ATAD1: variants seen among roughly 807,000 people sequenced by gnomAD.
The protein encoded by ATAD1 is outer mitochondrial transmembrane helix translocase.
ATAD1 carries 18 observed loss-of-function variants against 42.7 expected under a neutral mutation model. The ratio of observed to expected loss-of-function variants is 0.42; its 90% confidence interval spans 0.29 to 0.63. ATAD1 has a LOEUF of 0.63. Among genes scored for constraint, ATAD1 ranks in the 20% least tolerant of loss-of-function variants. The pLI is 0.19. For synonymous variants in ATAD1, 132 were observed against 143.1 expected (o/e 0.92, Z 0.55); for missense variants, 294 against 440.4 (o/e 0.67, Z 2.98).
At chr10:87,757,965 A>T (rs1854300151) in intron 8 of ATAD1, among the ~76,000 whole-genome samples, 1 of 152,196 alleles carries the variant, frequency 6.6e-6, no homozygotes, top group East Asian at 1.9e-4. Flanking sequence ...ATGTTTTTTG[A>T]TAAAAAGAAA....
At chr10:87,833,887 G>C (rs1459708084) in intron 1 of ATAD1, among the ~76,000 whole-genome samples, 2 of 151,868 alleles carry the variant, frequency 1.3e-5, no homozygotes, top group Non-Finnish European at 2.9e-5. Flanking sequence ...ACCACACCCG[G>C]CTAATTTTTG....
At chr10:87,829,457 T>C (rs763080831) in intron 1 of ATAD1, among the ~76,000 whole-genome samples, 3 of 152,042 alleles carry the variant, frequency 2.0e-5, no homozygotes, top group African/African-American at 2.4e-5. Flanking sequence ...GGTTTCACCA[T>C]GTTGGCCAGG....
At chr10:87,766,131 A>T (rs1011870514) in intron 8 of ATAD1, among the ~76,000 whole-genome samples, 1 of 152,210 alleles carries the variant, frequency 6.6e-6, no homozygotes, top group Non-Finnish European at 1.5e-5. Flanking sequence ...TGTTGGCAAG[A>T]CTATAGGAAA....
At chr10:87,823,547 G>C (rs1281275609) in intron 1 of ATAD1, among the ~76,000 whole-genome samples, 1 of 152,120 alleles carries the variant, frequency 6.6e-6, no homozygotes, top group East Asian at 1.9e-4. Context: ...CCCTGCCTAT[G>C]GTTTCTTAAA....
At chr10:87,794,638 C>T (rs967816540) in intron 2 of ATAD1, among the ~76,000 whole-genome samples, 11 of 152,122 alleles carry the variant, frequency 7.2e-5, no homozygotes, top group Non-Finnish European at 1.5e-4. Context: ...GACAGCCTCC[C>T]TTTCCCCATC....
intron 2 of ATAD1, among the ~76,000 whole-genome samples, chr10:87,795,751 G>C (rs184394134): frequency 8.5e-5 from 13 of 152,216 alleles, no homozygotes; most frequent in Non-Finnish European, 1.9e-4. Flanking sequence ...AGTAGGGAAG[G>C]CAGAAATGGG....
At chr10:87,812,545 G>A (rs1019090702) in intron 2 of ATAD1, among the ~76,000 whole-genome samples, 10 of 152,146 alleles carry the variant, frequency 6.6e-5, no homozygotes, top group African/African-American at 2.2e-4. Flanking sequence ...TTATAGGCGT[G>A]AGCCACCACA....
intron 1 of ATAD1, among the ~76,000 whole-genome samples, chr10:87,836,252 A>T (rs1197642525): frequency 6.6e-6 from 1 of 152,062 alleles, no homozygotes; most frequent in Non-Finnish European, 1.5e-5. Context: ...TCAGCTTCCG[A>T]GTCGCTAAGA....
At chr10:87,784,816 T>C (rs576211550) in intron 4 of ATAD1, 146 bp from the exon 5 acceptor site, 122 of 741,234 alleles carry the variant, frequency 1.6e-4, no homozygotes, top group Non-Finnish European at 2.4e-4. Context: ...GTAGGTAAGA[T>C]AGAAGAAAGG....
intron 4 of ATAD1, among the ~76,000 whole-genome samples, chr10:87,786,633 C>T (rs1855846704): frequency 6.6e-6 from 1 of 152,188 alleles, no homozygotes; most frequent in Admixed American, 6.5e-5. Flanking sequence ...GTAGTAGTTA[C>T]ATAAGTGTGT....
intron 1 of ATAD1, among the ~76,000 whole-genome samples, chr10:87,831,428 G>A (rs927010117): frequency 2.6e-5 from 4 of 152,186 alleles, no homozygotes; most frequent in Non-Finnish European, 5.9e-5. Flanking sequence ...ACTAAATTAA[G>A]TGTGAAACTA....
At chr10:87,821,973 T>TCAGCTGAACCATTAACC (rs1414214563), upstream of ATAD1, among the ~76,000 whole-genome samples, 3 of 152,182 alleles carry the variant, frequency 2.0e-5, no homozygotes, top group Admixed American at 2.0e-4. Context: ...GCCTATCTGG[T>TCAGCTGAACCATTAACC]CAGCTGAACC....
intron 2 of ATAD1, among the ~76,000 whole-genome samples, chr10:87,795,256 C>T (rs1462254983): frequency 6.6e-6 from 1 of 151,984 alleles, no homozygotes; most frequent in Non-Finnish European, 1.5e-5. Flanking sequence ...ATGGAACACA[C>T]CAAAAAACAC....
At chr10:87,761,007 C>T (rs1244508462) in intron 8 of ATAD1, among the ~76,000 whole-genome samples, 1 of 151,796 alleles carries the variant, frequency 6.6e-6, no homozygotes, top group African/African-American at 2.4e-5. Context: ...AACACAGTAT[C>T]ATTTCAAAAG....
chr10:87,826,626 C>A (rs1223542876), intron 1 of ATAD1, among the ~76,000 whole-genome samples: 1 of 152,220 alleles, frequency 6.6e-6, no homozygotes, highest in Non-Finnish European at 1.5e-5. Context: ...CCACCTTCCA[C>A]ATTACAGTCC....
rs1324247773 is a variant in ATAD1 at position 87,779,711 on chromosome 10, T to C, written c.584-3284A>G. On this transcript the variant is annotated intron_variant, in intron 5 of 9. Transcript: ENST00000680024. ...GATACACAGATGACAAATAAGCACA[T>C]GAAACAATGTTCCACATCATGTCAT... Among the ~76,000 whole-genome samples, 5 of 152,292 alleles carry C rather than the reference T, an allele frequency of 3.3e-5. No homozygotes were observed. The East Asian group carries it at 9.6e-4, about 29-fold the overall frequency.
intron 5 of ATAD1, among the ~76,000 whole-genome samples, chr10:87,778,779 A>G (rs1352243273): frequency 6.6e-6 from 1 of 152,202 alleles, no homozygotes; most frequent in Non-Finnish European, 1.5e-5. Flanking sequence ...TTATAAAAGT[A>G]AATGCACATC....
intron 5 of ATAD1, among the ~76,000 whole-genome samples, chr10:87,778,760 A>C (rs1855432307): frequency 6.6e-6 from 1 of 152,140 alleles, no homozygotes; most frequent in Non-Finnish European, 1.5e-5. Flanking sequence ...AATTGGATAG[A>C]CTTTTTTTTT....
intron 5 of ATAD1, among the ~76,000 whole-genome samples, chr10:87,779,065 G>A (rs981366344): frequency 6.6e-6 from 1 of 151,960 alleles, no homozygotes; most frequent in African/African-American, 2.4e-5. Context: ...GGGAGGCCGA[G>A]GTGGGTGGAT....
Sources: gnomAD v4.1 joint callset for allele counts (sites outside exome capture counted in the v4.1 genomes callset) on GRCh38, gnomAD v4.1.1 for gene constraint, MANE v1.5 for transcripts, NCBI Gene and HGNC (gene_info 2026-07-23, HGNC 2026-07-21) for gene names.